ADAMTS17: variants seen among roughly 807,000 people sequenced by gnomAD.
ADAMTS17 encodes the protein ADAM metallopeptidase with thrombospondin type 1 motif 17.
A neutral mutation model predicts 141.5 loss-of-function variants in ADAMTS17; 113 were observed. The observed-to-expected ratio is 0.80, with a 90% CI of 0.69 to 0.93. The LOEUF (loss-of-function observed/expected upper bound fraction) is 0.93. ADAMTS17 is among the 40% of genes least tolerant of loss of function. The probability of loss-of-function intolerance (pLI) is 0.00; values close to 1 mark genes in which losing one functional copy is unlikely to be tolerated. For synonymous variants in ADAMTS17, 768 were observed against 630.6 expected (o/e 1.22, Z -3.27); for missense variants, 1,659 against 1,517.9 (o/e 1.09, Z -1.54).
chr15:100,095,399 C>T (rs768423143), intron 15 of ADAMTS17, among the ~76,000 whole-genome samples: 3 of 152,152 alleles, frequency 2.0e-5, no homozygotes, highest in Non-Finnish European at 4.4e-5. Flanking sequence ...GGTTTCCTAT[C>T]CACACAGAGA....
At chr15:100,123,402 A>C (rs867194470) in intron 12 of ADAMTS17, among the ~76,000 whole-genome samples, 2 of 152,204 alleles carry the variant, frequency 1.3e-5, no homozygotes, top group African/African-American at 4.8e-5. Context: ...CCAGGAGCTG[A>C]AGGTGGGTCC....
intron 17 of ADAMTS17, among the ~76,000 whole-genome samples, chr15:100,049,482 G>A (rs1047800982): frequency 6.6e-6 from 1 of 152,198 alleles, no homozygotes; most frequent in Non-Finnish European, 1.5e-5. Context: ...GCATCCTCTA[G>A]ACAGGCATTC....
chr15:100,199,179 T>A (rs1005273107), intron 8 of ADAMTS17, 139 bp downstream of exon 8: 6 of 785,566 alleles, frequency 7.6e-6, no homozygotes, highest in Non-Finnish European at 1.3e-5. Context: ...TGGACCCTAG[T>A]GTACTGACCT....
At chr15:100,009,732 C>G in intron 18 of ADAMTS17, among the ~76,000 whole-genome samples, 1 of 152,316 alleles carries the variant, frequency 6.6e-6, no homozygotes, top group East Asian at 1.9e-4. Context: ...CTGGAATGGA[C>G]AGTCTATGTG....
intron 18 of ADAMTS17, among the ~76,000 whole-genome samples, chr15:100,007,792 G>A (rs944818066): frequency 6.6e-6 from 1 of 152,064 alleles, no homozygotes; most frequent in African/African-American, 2.4e-5. Context: ...TGCAGCTTGG[G>A]GTGCGGTCAG....
chr15:100,214,057 T>TTTTG (rs575831519), intron 7 of ADAMTS17, among the ~76,000 whole-genome samples: 1 of 152,172 alleles, frequency 6.6e-6, no homozygotes, highest in Admixed American at 6.5e-5. Context: ...TGTTTTTGTT[T>TTTTG]TTTGTTTGTT....
At chr15:99,991,843 C>CA (rs1236405072) in intron 20 of ADAMTS17, among the ~76,000 whole-genome samples, 4 of 152,074 alleles carry the variant, frequency 2.6e-5, no homozygotes, top group South Asian at 4.2e-4. Flanking sequence ...TATGCAGCCA[C>CA]AAAAAAGGAT....
chr15:100,184,367 A>G (rs57593116), intron 8 of ADAMTS17, among the ~76,000 whole-genome samples: 18,949 of 152,172 alleles, frequency 0.12, 1,538 homozygotes, highest in East Asian at 0.29. Flanking sequence ...AGAATTCACC[A>G]TGTTGTCGTT....
intron 18 of ADAMTS17, among the ~76,000 whole-genome samples, chr15:100,037,502 T>C (rs112529658): frequency 0.046 from 6,963 of 151,776 alleles, 327 homozygotes; most frequent in African/African-American, 0.12. Context: ...CCTTCGCCTC[T>C]GGGGCTCAAG....
At chr15:100,062,532 G>A (rs1311273568) in intron 15 of ADAMTS17, among the ~76,000 whole-genome samples, 1 of 152,158 alleles carries the variant, frequency 6.6e-6, no homozygotes, top group Admixed American at 6.5e-5. Context: ...TGTCTCATTA[G>A]ACTTTGAGTC....
chr15:100,068,126 G>C (rs2033684997), intron 15 of ADAMTS17, among the ~76,000 whole-genome samples: 1 of 152,098 alleles, frequency 6.6e-6, no homozygotes, highest in Non-Finnish European at 1.5e-5. Context: ...GTCTCGGAGG[G>C]TCCTACACCC....
intron 3 of ADAMTS17, among the ~76,000 whole-genome samples, chr15:100,287,016 C>T (rs148728602): frequency 0.019 from 2,871 of 152,254 alleles, 66 homozygotes; most frequent in African/African-American, 0.065. Flanking sequence ...GGTTAAACCC[C>T]GTCTCTACTA....
At chr15:100,209,879 T>G (rs1222072119) in intron 7 of ADAMTS17, among the ~76,000 whole-genome samples, 1 of 152,160 alleles carries the variant, frequency 6.6e-6, no homozygotes, top group African/African-American at 2.4e-5. Flanking sequence ...CATCCCAGAC[T>G]ATGGAAATAG....
At chr15:100,070,233 T>C (rs1338617028) in intron 15 of ADAMTS17, among the ~76,000 whole-genome samples, 1 of 146,298 alleles carries the variant, frequency 6.8e-6, no homozygotes, top group East Asian at 2.2e-4. Flanking sequence ...AGCACCCAGA[T>C]TCATAAAGCA....
intron 18 of ADAMTS17, among the ~76,000 whole-genome samples, chr15:100,037,894 A>G (rs1596279688): frequency 6.6e-6 from 1 of 150,444 alleles, no homozygotes; most frequent in African/African-American, 2.4e-5. Flanking sequence ...GCCCCCCACC[A>G]CCCAAGTAGC....
At chr15:100,189,988 A>T (rs1412233014) in intron 8 of ADAMTS17, among the ~76,000 whole-genome samples, 1 of 152,178 alleles carries the variant, frequency 6.6e-6, no homozygotes, top group Non-Finnish European at 1.5e-5. Context: ...TTCAACGCTG[A>T]CCAGCCTGCC....
intron 20 of ADAMTS17, among the ~76,000 whole-genome samples, chr15:99,986,561 C>A (rs2060590591): frequency 6.6e-6 from 1 of 152,200 alleles, no homozygotes; most frequent in South Asian, 2.1e-4. Flanking sequence ...GCCCCTTCCA[C>A]TGGCACCAGG....
chr15:100,063,855 C>G (rs1009143587), intron 15 of ADAMTS17: 12 of 834,434 alleles, frequency 1.4e-5, no homozygotes, highest in African/African-American at 3.5e-5. Context: ...CCAAGCCCCC[C>G]ACAGTGGCTT....
chr15:100,244,315 A>C (rs927058405), intron 7 of ADAMTS17, among the ~76,000 whole-genome samples: 6 of 142,754 alleles, frequency 4.2e-5, no homozygotes, highest in African/African-American at 1.5e-4. Context: ...CCGTATCAGT[A>C]AGTCACTCAA....
Sources: gnomAD v4.1 joint callset for allele counts (sites outside exome capture counted in the v4.1 genomes callset) on GRCh38, gnomAD v4.1.1 for gene constraint, MANE v1.5 for transcripts, NCBI Gene and HGNC (gene_info 2026-07-23, HGNC 2026-07-21) for gene names.